Variants in S100A5 observed in about 807,000 individuals in gnomAD.
S100A5 encodes S100 calcium binding protein A5.
A neutral mutation model predicts 6.7 loss-of-function variants in S100A5; 5 were observed. The ratio of observed to expected loss-of-function variants is 0.75; its 90% CI spans 0.39 to 1.57. S100A5 has a LOEUF of 1.57. Ranked by LOEUF, S100A5 falls within the 40% of genes most tolerant of loss-of-function variation. The pLI is 0.03. For synonymous variants in S100A5, 49 were observed against 44.9 expected (o/e 1.09, Z -0.37); for missense variants, 129 against 110.8 (o/e 1.16, Z -0.74).
intron 2 of S100A5, among the ~76,000 whole-genome samples, chr1:153,539,084 C>CT (rs1557888688): frequency 1.3e-5 from 2 of 152,036 alleles, no homozygotes; most frequent in Non-Finnish European, 2.9e-5. Flanking sequence ...GAGCCATGAT[C>CT]GCACCACTGC....
chr1:153,540,305 C>A (rs1665344361), intron 1 of S100A5, 100 bp from the exon 2 acceptor site: 2 of 1,264,934 alleles, frequency 1.6e-6, no homozygotes, highest in Non-Finnish European at 2.2e-6. Flanking sequence ...GAGACTGGAA[C>A]CCAGGATGAG....
At chr1:153,539,954 C>T (rs1665330725) in intron 2 of S100A5, 100 bp downstream of exon 2, 2 of 1,460,804 alleles carry the variant, frequency 1.4e-6, no homozygotes, top group East Asian at 2.3e-5. Flanking sequence ...CCTTGGCCAC[C>T]CTGCCCCTGG....
Position 153,537,402 on chromosome 1 carries a change from C to A in S100A5, c.173G>T (p.Ser58Ile), listed in dbSNP as rs368286819. Residue 58 changes from serine (S) to isoleucine (I), a missense_variant, in exon 3 of 3, where the codon AGC becomes ATC. Physicochemically the swap from Ser to Ile is moderately radical, Grantham distance 142. Transcript: ENST00000368717. ...CTCCTGGTCGCTGTTCTTGTCCAGG[C>A]TCTTCATCAAGTCATCGATGCTGCT... Reference protein sequence around the residue: ...KESSIDDLMKSLDKNSDQEID... With the variant: ...KESSIDDLMKILDKNSDQEID... 2 of 1,614,164 alleles carry A rather than the reference C, an allele frequency of 1.2e-6. No individual in the cohort carries two copies. The highest frequency in any genetic ancestry group is 2.2e-5 in the South Asian group (2 of 91,082).
intron 2 of S100A5, among the ~76,000 whole-genome samples, chr1:153,538,729 G>A (rs1665272498): frequency 1.3e-5 from 2 of 152,232 alleles, no homozygotes; most frequent in Admixed American, 6.5e-5. Context: ...AGGAAACAGG[G>A]AGGATGATTC....
At chr1:153,543,418 TC>T (rs1291735840), upstream of S100A5, among the ~76,000 whole-genome samples, 4 of 151,030 alleles carry the variant, frequency 2.6e-5, no homozygotes, top group Non-Finnish European at 5.9e-5. Context: ...TGGTGAGGGG[TC>T]CCCTTCTCGG....
chr1:153,543,454 A>G (rs1665451119), upstream of S100A5, among the ~76,000 whole-genome samples: 1 of 151,844 alleles, frequency 6.6e-6, no homozygotes, highest in Admixed American at 6.6e-5. Context: ...AGTGAACTCT[A>G]TTGCCTGTGC....
At position 153,540,069 on chromosome 1, in the gene S100A5, C is replaced by G. The variant is rs775499138; in HGVS notation, c.123G>C (p.Glu41Asp). 3 of 1,614,150 alleles carry G rather than the reference C, an allele frequency of 1.9e-6. No homozygotes were observed. The highest frequency in any genetic ancestry group is 4.5e-5 in the East Asian group (2 of 44,880). ...AATCACCTACCTCCCCAAGACACAG[C>G]TCTTTCTTGATCAGCTCCTTGAGTT... ...RKELKELIKK[E>D]LCLGEMKESS... The change falls in exon 2 of 3, where the codon GAG (glutamate) becomes GAC (aspartate). Residue 41 changes from glutamate to aspartate, a missense_variant. By Grantham distance (45) the Glu-to-Asp change is conservative. Coordinates refer to ENST00000368717, the MANE Select transcript of S100A5 (RefSeq NM_001394232.1).
chr1:153,542,092 G>A (rs746165704), upstream of S100A5, among the ~76,000 whole-genome samples: 16 of 152,220 alleles, frequency 1.1e-4, no homozygotes, highest in Non-Finnish European at 1.9e-4. Flanking sequence ...TGGGGTAGAG[G>A]TTGTGGATTG....
Position 153,537,386 on chromosome 1 carries a change from G to T in S100A5, c.189C>A (p.Ser63Arg). ...ACTCCTTGAAGTCGATCTCCTGGTCGCTGTTCTTGTCCAGGCTCTTCATCA... is the reference window on the plus strand; with the variant it reads ...ACTCCTTGAAGTCGATCTCCTGGTCTCTGTTCTTGTCCAGGCTCTTCATCA... ...DDLMKSLDKN[S>R]DQEIDFKEYS... is the part of the protein sequence containing the mutation. The change falls in exon 3 of 3, where the codon AGC becomes AGA. Residue 63 changes from serine (S) to arginine (R), a missense_variant. Ser to Arg is a moderately radical substitution (Grantham distance 110). Coordinates refer to ENST00000368717, the MANE Select transcript of S100A5 (RefSeq NM_001394232.1). 4 of 1,614,150 alleles carry T rather than the reference G, an allele frequency of 2.5e-6. No individual in the cohort carries two copies. Among genetic ancestry groups the T allele is most frequent in the African/African-American group, 1.3e-5 (1 of 75,036 alleles).
intron 2 of S100A5, among the ~76,000 whole-genome samples, chr1:153,538,950 G>C (rs189476846): frequency 1.5e-4 from 23 of 152,112 alleles, no homozygotes; most frequent in African/African-American, 5.5e-4. Context: ...GTAAAATAGT[G>C]AGACCCCATC....
At chr1:153,540,368 G>T (rs1354879622) in intron 1 of S100A5, among the ~76,000 whole-genome samples, 163 bp from the exon 2 acceptor site, 1 of 152,152 alleles carries the variant, frequency 6.6e-6, no homozygotes, top group Non-Finnish European at 1.5e-5. Flanking sequence ...GTTACAATGA[G>T]ACCCACAACA....
upstream of S100A5, chr1:153,543,659 A>T: frequency 8.8e-7 from 1 of 1,135,312 alleles, no homozygotes; most frequent in Non-Finnish European, 1.3e-6. Context: ...GCTCAGCATC[A>T]AGCACGTGTC....
At chr1:153,543,466 C>A (rs73026341), upstream of S100A5, 10,065 of 352,480 alleles carry the variant, frequency 0.029, 916 homozygotes, top group African/African-American at 0.19. Context: ...TGCCTGTGCA[C>A]ACACACTGTT....
chr1:153,541,733 C>T (rs937098712), upstream of S100A5: 2 of 1,141,568 alleles, frequency 1.8e-6, no homozygotes, highest in Non-Finnish European at 2.2e-6. Flanking sequence ...GGAAACCAGG[C>T]TGTCCTGGAA....
upstream of S100A5, chr1:153,543,553 C>G (rs1665453351): frequency 1.7e-6 from 1 of 587,030 alleles, no homozygotes; most frequent in Non-Finnish European, 3.0e-6. Context: ...GCTCTCCCCA[C>G]CACCACCCCA....
Position 153,537,321 on chromosome 1 carries a change from T to C in S100A5, c.254A>G (p.Asp85Gly). The C allele has an allele frequency of 6.2e-7, 1 of 1,613,818 alleles. No homozygotes were observed. ...TCACTTGTTGTCCTCTAGAAAGAAG[T>C]CGTTGTAGGCCATGCACAGCATGGT... ...FLTMLCMAYN[D>G]FFLEDNK The change falls in exon 3 of 3, where the codon GAC (aspartate) becomes GGC (glycine). Residue 85 changes from aspartate (D) to glycine (G), a missense_variant. Physicochemically the swap from Asp to Gly is moderately conservative, Grantham distance 94. Coordinates refer to ENST00000368717, the MANE Select transcript of S100A5 (RefSeq NM_001394232.1).
rs916591086 is a variant in S100A5 at position 153,537,171 on chromosome 1, T to C, written c.*125A>G. 2.6e-6 allele frequency: 3 copies of C among 1,136,638 alleles called. No individual in the cohort carries two copies. The highest frequency in any genetic ancestry group is 3.1e-5 in the African/African-American group (2 of 64,306). The allele number at this position is 1,136,638 out of a possible 1,614,324, so 70.4% of individuals were successfully genotyped here. On this transcript the variant is annotated 3_prime_UTR_variant, in exon 3 of 3. Transcript: ENST00000368717. ...CTCCCAGCACCTGCGATGGAAACTTTATTTCCTCCCATGGAAGGGTCCATC... is the reference window on the plus strand; with the variant it reads ...CTCCCAGCACCTGCGATGGAAACTTCATTTCCTCCCATGGAAGGGTCCATC...
intron 2 of S100A5, among the ~76,000 whole-genome samples, chr1:153,538,605 G>A (rs370503108): frequency 1.3e-5 from 2 of 152,146 alleles, no homozygotes; most frequent in African/African-American, 4.8e-5. Context: ...GCCTGGGGAC[G>A]CCCATACCTG....
chr1:153,541,859 C>T (rs1339891476), upstream of S100A5: 2 of 1,022,462 alleles, frequency 2.0e-6, no homozygotes, highest in Non-Finnish European at 2.3e-6. Flanking sequence ...GTAGAGAAGA[C>T]AGCCCTTGAG....
Sources: allele counts gnomAD v4.1 joint callset (sites outside exome capture counted in the v4.1 genomes callset), GRCh38; gene constraint gnomAD v4.1.1; transcripts MANE v1.5; gene names NCBI Gene and HGNC (gene_info 2026-07-23, HGNC 2026-07-21).